The following RARB variants were observed in gnomAD, a reference collection of about 807,000 sequenced individuals.
RARB encodes retinoic acid receptor beta.
In RARB, 17 loss-of-function variants were observed where a neutral mutation model predicts 51.9. That is an observed-to-expected ratio of 0.33 (90% CI 0.22 to 0.49). RARB has a LOEUF of 0.49. Ranked by LOEUF, RARB falls within the 20% of genes least tolerant of loss-of-function variation. The pLI is 0.99. For synonymous variants in RARB, 215 were observed against 195.4 expected, an observed-to-expected ratio of 1.10 and a Z score of -0.84; for missense variants, 369 against 550.8, an observed-to-expected ratio of 0.67 and a Z score of 3.30.
intron 5 of RARB, among the ~76,000 whole-genome samples, chr3:25,408,452 C>G (rs1291868703): frequency 1.3e-5 from 2 of 152,090 alleles, no homozygotes; most frequent in African/African-American, 4.8e-5. Flanking sequence ...TGAGAACTTA[C>G]TATCATGAGA....
intron 2 of RARB, among the ~76,000 whole-genome samples, chr3:24,865,405 G>A (rs2125345114): frequency 6.6e-6 from 1 of 152,214 alleles, no homozygotes; most frequent in Non-Finnish European, 1.5e-5. Flanking sequence ...AGCATCTTCA[G>A]CATTGACTCA....
chr3:24,985,765 C>G (rs1696779709), intron 2 of RARB, among the ~76,000 whole-genome samples: 2 of 152,170 alleles, frequency 1.3e-5, no homozygotes, highest in African/African-American at 4.8e-5. Flanking sequence ...GTACTTTGCA[C>G]AGTAGCTACA....
intron 2 of RARB, among the ~76,000 whole-genome samples, chr3:24,954,851 A>C (rs141090229): frequency 1.3e-5 from 2 of 152,170 alleles, no homozygotes; most frequent in African/African-American, 4.8e-5. Flanking sequence ...CAGGAGCTCA[A>C]ACTCCTTGCA....
chr3:25,303,632 T>C (rs1704091348), intron 5 of RARB, among the ~76,000 whole-genome samples: 2 of 152,190 alleles, frequency 1.3e-5, no homozygotes, highest in Admixed American at 6.5e-5. Flanking sequence ...ATGAATTCTT[T>C]TCTGCATGGT....
chr3:25,494,306 T>G (rs1320074152), intron 2 of RARB, among the ~76,000 whole-genome samples: 1 of 99,504 alleles, frequency 1.0e-5, no homozygotes, highest in East Asian at 3.2e-4. Context: ...TCTGCCAGCC[T>G]GGACCACTGG....
At chr3:25,583,326 G>T (rs112628659) in intron 5 of RARB, among the ~76,000 whole-genome samples, 1,821 of 152,274 alleles carry the variant, frequency 0.012, 42 homozygotes, top group African/African-American at 0.042. Context: ...GGATAGAGTG[G>T]GACAGAGTAA....
chr3:25,145,973 G>T (rs1272843030), intron 4 of RARB, among the ~76,000 whole-genome samples: 3 of 151,476 alleles, frequency 2.0e-5, no homozygotes, highest in Admixed American at 1.3e-4. Context: ...CTGCACTTCA[G>T]CCTGGGCAAC....
chr3:25,100,856 T>C (rs551687670), intron 3 of RARB, among the ~76,000 whole-genome samples: 24 of 152,272 alleles, frequency 1.6e-4, no homozygotes, highest in Admixed American at 9.2e-4. Context: ...AAATGGGAAG[T>C]AGAGGAACTT....
chr3:25,201,103 C>A (rs754096629), intron 5 of RARB, among the ~76,000 whole-genome samples: 19 of 152,026 alleles, frequency 1.2e-4, no homozygotes, highest in Non-Finnish European at 2.4e-4. Flanking sequence ...TTGTTTGTGT[C>A]CTTGAACAGT....
intron 2 of RARB, among the ~76,000 whole-genome samples, chr3:24,875,341 G>A (rs933675099): frequency 7.2e-5 from 11 of 152,132 alleles, no homozygotes; most frequent in African/African-American, 2.7e-4. Context: ...ATGATCTGAT[G>A]TGGTCTGTAC....
chr3:25,593,124 A>G (rs941978405), intron 5 of RARB, among the ~76,000 whole-genome samples: 3 of 152,000 alleles, frequency 2.0e-5, no homozygotes, highest in African/African-American at 4.8e-5. Context: ...ATTGTCATTT[A>G]TTGCAGACTG....
At chr3:24,842,071 G>C (rs1002879605) in intron 1 of RARB, among the ~76,000 whole-genome samples, 5 of 152,146 alleles carry the variant, frequency 3.3e-5, no homozygotes, top group African/African-American at 1.2e-4. Flanking sequence ...TTGTTGGTTC[G>C]ATTTTCTATT....
At chr3:24,878,441 C>A (rs998241263) in intron 2 of RARB, among the ~76,000 whole-genome samples, 5 of 151,844 alleles carry the variant, frequency 3.3e-5, no homozygotes, top group Non-Finnish European at 7.4e-5. Flanking sequence ...CCTTGGTTGA[C>A]TGCTTATGAT....
At chr3:25,251,797 T>C (rs903779038) in intron 5 of RARB, among the ~76,000 whole-genome samples, 8 of 122,906 alleles carry the variant, frequency 6.5e-5, no homozygotes, top group African/African-American at 2.1e-4. Context: ...AATACTTCTT[T>C]TCATCTTTTG....
At chr3:24,988,418 GT>G (rs1254758710) in intron 2 of RARB, among the ~76,000 whole-genome samples, 1 of 152,086 alleles carries the variant, frequency 6.6e-6, no homozygotes. Flanking sequence ...AATTTAACAT[GT>G]TCTTTTCTAC....
At chr3:25,185,812 C>G (rs1251553572) in intron 5 of RARB, among the ~76,000 whole-genome samples, 1 of 151,950 alleles carries the variant, frequency 6.6e-6, no homozygotes, top group African/African-American at 2.4e-5. Flanking sequence ...GAACTAAAGC[C>G]AAATAACAAA....
chr3:24,931,008 G>C (rs1379313126), intron 2 of RARB, among the ~76,000 whole-genome samples: 2 of 152,010 alleles, frequency 1.3e-5, no homozygotes, highest in African/African-American at 4.8e-5. Context: ...GTGAGACTCT[G>C]TCTCTGAAAA....
Position 25,203,636 on chromosome 3 carries a change from A to C in RARB, c.178+29061A>C, listed in dbSNP as rs201980036. Among the ~76,000 whole-genome samples the C allele has an allele frequency of 4.0e-3, 610 of 152,304 alleles. 10 individuals carry two copies. Among genetic ancestry groups the C allele is most frequent in the East Asian group, 0.03 (154 of 5,186 alleles). On this transcript the variant is annotated intron_variant, in intron 5 of 11. Transcript: ENST00000383772. ...TTGTAGGGCAGGCCTGGTGGTGACA[A>C]AATCTCTCAGCATTTGCTTGTCTGT... is the stretch of plus-strand genomic sequence containing the variant.
At chr3:25,453,351 G>A (rs187845973) in intron 1 of RARB, among the ~76,000 whole-genome samples, 379 of 148,644 alleles carry the variant, frequency 2.5e-3, no homozygotes, top group African/African-American at 8.2e-3. Context: ...GGGTTCAAGC[G>A]ATTCTCCTGC....
Sources: allele counts gnomAD v4.1 joint callset (sites outside exome capture counted in the v4.1 genomes callset), GRCh38; gene constraint gnomAD v4.1.1; transcripts MANE v1.5; gene names NCBI Gene and HGNC (gene_info 2026-07-23, HGNC 2026-07-21).